RFX3: variants seen among roughly 807,000 people sequenced by gnomAD.
RFX3 encodes the protein transcription factor RFX3.
A neutral mutation model predicts 98.6 loss-of-function variants in RFX3; 14 were observed. The ratio of observed to expected loss-of-function variants is 0.14; its 90% CI spans 0.09 to 0.22. RFX3 has a LOEUF of 0.22. RFX3 is among the 10% of genes least tolerant of loss of function. RFX3 has a pLI of 1.00. For missense variants in RFX3, 639 were observed against 926.9 expected, an observed-to-expected ratio of 0.69 and a Z score of 4.03; for synonymous variants, 383 against 328.4, an observed-to-expected ratio of 1.17 and a Z score of -1.80.
In RFX3 at chr9:3,222,289, G is replaced by A. The variant is rs1055017532; in HGVS notation, c.*2753C>T. On this transcript the variant is annotated 3_prime_UTR_variant, in exon 17 of 17. Transcript: ENST00000617270. ...AAAGAATATTCCTAATATTCATAAA[G>A]GAGATCAGAATATTTTTATTGAGTC... The A allele has an allele frequency of 1.3e-5, 2 of 152,120 alleles. No individual in the cohort carries two copies. Among genetic ancestry groups the A allele is most frequent in the African/African-American group, 2.4e-5 (1 of 41,512 alleles). 9.4% of individuals were successfully genotyped at this position (152,120 alleles called of 1,614,324 possible).
chr9:3,229,006 A>C (rs1029388310), intron 15 of RFX3, 117 bp from the exon 16 acceptor site: 17 of 732,760 alleles, frequency 2.3e-5, no homozygotes, highest in Admixed American at 5.9e-5. Flanking sequence ...ACTAGTGGCC[A>C]TTTTGATCTC....
chr9:3,246,464 A>T (rs1200481980), intron 15 of RFX3, among the ~76,000 whole-genome samples: 1 of 152,200 alleles, frequency 6.6e-6, no homozygotes, highest in African/African-American at 2.4e-5. Context: ...AGCAAAGGCC[A>T]TGCATCAAGA....
chr9:3,238,801 G>A lies in RFX3; in HGVS notation c.1968+9231C>T, dbSNP rs145713177. Among the ~76,000 whole-genome samples, 1,186 of 152,062 alleles carry A rather than the reference G, an allele frequency of 7.8e-3. 13 individuals are homozygous for A. The highest frequency in any genetic ancestry group is 0.027 in the African/African-American group (1,120 of 41,486). ...TCGGGAGTTTGACACCAGCCTGACC[G>A]ACATGGAGAAACCCCGTCTCTACTA... On this transcript the variant is annotated intron_variant, in intron 15 of 16. Coordinates refer to ENST00000617270, the MANE Select transcript of RFX3 (RefSeq NM_001282116.2).
intron 3 of RFX3, among the ~76,000 whole-genome samples, chr9:3,338,790 GT>G (rs1029450769): frequency 5.3e-5 from 8 of 152,120 alleles, no homozygotes; most frequent in Non-Finnish European, 1.2e-4. Flanking sequence ...GGGAAAAAGT[GT>G]TTTAAAATTT....
chr9:3,383,814 C>T (rs183946360), intron 2 of RFX3, among the ~76,000 whole-genome samples: 111 of 152,036 alleles, frequency 7.3e-4, no homozygotes, highest in Non-Finnish European at 1.2e-3. Context: ...TTCTGGTAAG[C>T]GGAAAACCTG....
At chr9:3,415,865 G>A (rs1842938198) in intron 1 of RFX3, among the ~76,000 whole-genome samples, 5 of 152,136 alleles carry the variant, frequency 3.3e-5, no homozygotes, top group Admixed American at 3.3e-4. Context: ...ATTCCTAGAA[G>A]GTGGCGGCAA....
chr9:3,515,427 GAAGA>G (rs1252574784), intron 1 of RFX3, among the ~76,000 whole-genome samples: 4 of 152,132 alleles, frequency 2.6e-5, no homozygotes, highest in Non-Finnish European at 5.9e-5. Flanking sequence ...AAGAAATCTG[GAAGA>G]AATACTGGAT....
intron 1 of RFX3, among the ~76,000 whole-genome samples, chr9:3,467,002 A>G (rs1031811801): frequency 6.8e-6 from 1 of 146,612 alleles, no homozygotes; most frequent in Non-Finnish European, 1.5e-5. Flanking sequence ...CTCTAAGAGA[A>G]AGCTGATATA....
At chr9:3,488,082 A>G (rs1210152399) in intron 1 of RFX3, among the ~76,000 whole-genome samples, 1 of 152,158 alleles carries the variant, frequency 6.6e-6, no homozygotes, top group Non-Finnish European at 1.5e-5. Flanking sequence ...TTCTTTTCCT[A>G]CCACTCCCGT....
intron 4 of RFX3, among the ~76,000 whole-genome samples, chr9:3,316,327 CCT>C (rs1207628619): frequency 6.6e-6 from 1 of 151,976 alleles, no homozygotes; most frequent in Non-Finnish European, 1.5e-5. Context: ...ATTCAATGGC[CCT>C]TCATGCTAAA....
intron 2 of RFX3, among the ~76,000 whole-genome samples, chr9:3,369,300 A>G (rs959990456): frequency 1.3e-5 from 2 of 152,164 alleles, no homozygotes; most frequent in African/African-American, 4.8e-5. Flanking sequence ...CCTTCTTCCT[A>G]TGTCCTCACG....
At chr9:3,278,609 T>G (rs1010867271) in intron 7 of RFX3, among the ~76,000 whole-genome samples, 3 of 151,860 alleles carry the variant, frequency 2.0e-5, no homozygotes, top group African/African-American at 7.2e-5. Context: ...GATGCCTGCA[T>G]GCTGACAACA....
chr9:3,235,973 T>A (rs1419596222), intron 15 of RFX3, among the ~76,000 whole-genome samples: 1 of 152,208 alleles, frequency 6.6e-6, no homozygotes, highest in Non-Finnish European at 1.5e-5. Flanking sequence ...GTTATTTTTT[T>A]AAATTATCAC....
At position 3,248,128 on chromosome 9, in the gene RFX3, G is replaced by C; in HGVS notation, c.1872C>G (p.His624Gln). Residue 624 changes from histidine to glutamine, a missense_variant, in exon 15 of 17, where the codon CAC becomes CAG. By Grantham distance (24) the His-to-Gln change is conservative (BLOSUM62 0). Transcript: ENST00000617270. ...LRSAASFGSFHLIRLLYDEYM... is the reference protein window; with the variant it reads ...LRSAASFGSFQLIRLLYDEYM... ...ATTCGTCGTAGAGTAGACGGATCAG[G>C]TGGAAGGAGCCAAAGCTAGCAGCAC... The C allele has an allele frequency of 6.2e-7, 1 of 1,613,844 alleles. No individual in the cohort carries two copies. Among genetic ancestry groups the C allele is most frequent in the Non-Finnish European group, 8.5e-7 (1 of 1,179,876 alleles).
At chr9:3,406,824 T>C (rs1291528274) in intron 1 of RFX3, among the ~76,000 whole-genome samples, 1 of 152,228 alleles carries the variant, frequency 6.6e-6, no homozygotes, top group Non-Finnish European at 1.5e-5. Flanking sequence ...TGGAATTTTA[T>C]AACAACTCCC....
intron 1 of RFX3, among the ~76,000 whole-genome samples, chr9:3,499,951 C>T (rs1057177128): frequency 6.6e-6 from 1 of 152,096 alleles, no homozygotes; most frequent in Admixed American, 6.6e-5. Context: ...TTTAAATAAC[C>T]TGTCAACTGC....
At position 3,263,865 on chromosome 9, in the gene RFX3, G is replaced by A. The variant is rs187071570; in HGVS notation, c.1456-781C>T. On this transcript the variant is annotated intron_variant, in intron 12 of 16. Transcript: ENST00000617270. ...GGAGATGGAAGGATGGGAAGAAAGA[G>A]CGGTTACCAGGGTACTTATTCACTG... Among the ~76,000 whole-genome samples the A allele has an allele frequency of 2.0e-4, 30 of 152,270 alleles. No homozygotes were observed. The East Asian group carries it at 4.6e-3, about 24-fold the overall frequency.
intron 4 of RFX3, among the ~76,000 whole-genome samples, chr9:3,318,799 A>G (rs985554822): frequency 4.6e-5 from 7 of 152,176 alleles, no homozygotes; most frequent in African/African-American, 9.7e-5. Flanking sequence ...TAACATTTTC[A>G]TAGCGGGGAG....
chr9:3,448,568 G>A (rs951840083), intron 1 of RFX3, among the ~76,000 whole-genome samples: 1 of 151,980 alleles, frequency 6.6e-6, no homozygotes, highest in Non-Finnish European at 1.5e-5. Context: ...GCTAGACTGC[G>A]GTGGCGCCAT....
Sources: allele counts gnomAD v4.1 joint callset (sites outside exome capture counted in the v4.1 genomes callset), GRCh38; gene constraint gnomAD v4.1.1; transcripts MANE v1.5; gene names NCBI Gene and HGNC (gene_info 2026-07-23, HGNC 2026-07-21).